PAQR5: variants seen among roughly 807,000 people sequenced by gnomAD.
PAQR5 encodes membrane progestin receptor gamma.
Under a neutral mutation model 34.5 loss-of-function variants are expected in PAQR5, and 20 were observed. The observed-to-expected ratio is 0.58, with a 90% CI of 0.41 to 0.84. The LOEUF is 0.84. PAQR5 is among the 40% of genes least tolerant of loss of function. The probability of loss-of-function intolerance (pLI) is 0.00; values close to 1 mark genes in which losing one functional copy is unlikely to be tolerated. For synonymous variants in PAQR5, 131 were observed against 155.6 expected (o/e 0.84, Z 1.18); for missense variants, 378 against 412.7 (o/e 0.92, Z 0.73).
At chr15:69,345,549 A>G (rs984621693) in intron 2 of PAQR5, among the ~76,000 whole-genome samples, 1 of 152,166 alleles carries the variant, frequency 6.6e-6, no homozygotes, top group African/African-American at 2.4e-5. Flanking sequence ...CTTGGTCTCA[A>G]ATGGAAAGGT....
At chr15:69,304,802 G>A (rs1419785199) in intron 1 of PAQR5, among the ~76,000 whole-genome samples, 1 of 152,150 alleles carries the variant, frequency 6.6e-6, no homozygotes, top group Non-Finnish European at 1.5e-5. Context: ...TCACCTTGGT[G>A]GGATTCATTT....
chr15:69,303,100 G>A (rs1343238122), intron 1 of PAQR5, among the ~76,000 whole-genome samples: 2 of 152,214 alleles, frequency 1.3e-5, no homozygotes, highest in Non-Finnish European at 2.9e-5. Context: ...AGATCAGAGT[G>A]TAGTAGGTGC....
chr15:69,383,214 G>T (rs2055960767), intron 4 of PAQR5, among the ~76,000 whole-genome samples: 1 of 152,154 alleles, frequency 6.6e-6, no homozygotes, highest in Non-Finnish European at 1.5e-5. Flanking sequence ...TCTAAGAGGG[G>T]CTTCCATCAT....
intron 1 of PAQR5, among the ~76,000 whole-genome samples, chr15:69,322,044 A>G (rs2054108422): frequency 6.6e-6 from 1 of 152,180 alleles, no homozygotes; most frequent in Non-Finnish European, 1.5e-5. Context: ...CCATAACAAA[A>G]GGAAGAATTT....
intron 2 of PAQR5, among the ~76,000 whole-genome samples, chr15:69,342,447 T>G (rs1410519394): frequency 1.3e-5 from 2 of 152,362 alleles, no homozygotes; most frequent in African/African-American, 4.8e-5. Flanking sequence ...TAGTCTCTTA[T>G]AGACATCTGA....
At chr15:69,399,943 C>G in intron 7 of PAQR5, 31 bp from the exon 8 acceptor site, 1 of 1,604,592 alleles carries the variant, frequency 6.2e-7, no homozygotes. Context: ...CCTGTCCTCT[C>G]AAGACCTGAT....
intron 1 of PAQR5, among the ~76,000 whole-genome samples, chr15:69,313,267 G>A (rs901017670): frequency 1.3e-5 from 2 of 152,218 alleles, no homozygotes; most frequent in Non-Finnish European, 2.9e-5. Context: ...CAGAGGCCAA[G>A]GAGGGAGGAT....
At chr15:69,378,900 G>GT (rs2055798775) in intron 3 of PAQR5, among the ~76,000 whole-genome samples, 1 of 152,116 alleles carries the variant, frequency 6.6e-6, no homozygotes, top group East Asian at 1.9e-4. Context: ...AGGACTCACA[G>GT]GTTGGCCCCC....
chr15:69,402,595 C>T (rs955998084), intron 8 of PAQR5, among the ~76,000 whole-genome samples: 13 of 152,310 alleles, frequency 8.5e-5, no homozygotes, highest in East Asian at 1.9e-4. Context: ...GGATTACAGG[C>T]GTGAACCACC....
intron 1 of PAQR5, among the ~76,000 whole-genome samples, chr15:69,307,098 AT>A (rs10711358): frequency 0.94 from 138,728 of 147,946 alleles, 65,363 homozygotes; most frequent in South Asian, 0.99. Flanking sequence ...TATACATCAT[AT>A]TTTTTTTTTT....
chr15:69,355,344 T>TTTTCTTTCTTTCTTTC (rs202183150), intron 2 of PAQR5, among the ~76,000 whole-genome samples: 3 of 56,216 alleles, frequency 5.3e-5, no homozygotes, highest in African/African-American at 2.0e-4. Context: ...TTCTTTCTTT[T>TTTTCTTTCTTTCTTTC]TTTCTTTCTT....
intron 6 of PAQR5, 27 bp downstream of exon 6, chr15:69,389,807 G>T: frequency 6.2e-7 from 1 of 1,611,950 alleles, no homozygotes; most frequent in Non-Finnish European, 8.5e-7. Context: ...CCTCAGATGG[G>T]AGGGGAGGGA....
At chr15:69,307,570 G>A (rs2053745841) in intron 1 of PAQR5, among the ~76,000 whole-genome samples, 1 of 152,190 alleles carries the variant, frequency 6.6e-6, no homozygotes, top group Non-Finnish European at 1.5e-5. Flanking sequence ...GAGGGGCTGG[G>A]GAAGAGTATG....
intron 1 of PAQR5, among the ~76,000 whole-genome samples, chr15:69,315,482 C>T (rs886743843): frequency 4.6e-5 from 7 of 152,156 alleles, no homozygotes; most frequent in Non-Finnish European, 8.8e-5. Flanking sequence ...AATCTCCAGT[C>T]TCAAGTCACA....
intron 1 of PAQR5, among the ~76,000 whole-genome samples, chr15:69,332,688 C>T (rs1473934766): frequency 7.4e-6 from 1 of 134,374 alleles, no homozygotes; most frequent in Non-Finnish European, 1.6e-5. Context: ...CCCCACCCCA[C>T]CCCCACCCCG....
At chr15:69,301,859 A>ATTTTTTTTTTTTTTTTTTTT (rs71149903) in intron 1 of PAQR5, among the ~76,000 whole-genome samples, 1 of 98,870 alleles carries the variant, frequency 1.0e-5, no homozygotes, top group Non-Finnish European at 1.8e-5. Flanking sequence ...ATGGGGGGAG[A>ATTTTTTTTTTTTTTTTTTTT]TTTTTTTTTT....
intron 3 of PAQR5, among the ~76,000 whole-genome samples, chr15:69,378,397 A>G (rs2055775187): frequency 1.5e-5 from 2 of 134,422 alleles, no homozygotes; most frequent in South Asian, 4.7e-4. Context: ...TGATTGCACC[A>G]CTGTACTCCA....
At chr15:69,318,475 G>T (rs912808477) in intron 1 of PAQR5, among the ~76,000 whole-genome samples, 2 of 152,094 alleles carry the variant, frequency 1.3e-5, no homozygotes, top group Admixed American at 6.6e-5. Context: ...AGAAAGATGG[G>T]GTTCTCTTTG....
At chr15:69,377,300 C>T (rs748509467) in intron 3 of PAQR5, among the ~76,000 whole-genome samples, 17 of 152,202 alleles carry the variant, frequency 1.1e-4, no homozygotes, top group Non-Finnish European at 1.5e-4. Flanking sequence ...CTGCCAAGCA[C>T]GTGCCGTCCT....
Sources: gnomAD v4.1 joint callset for allele counts (sites outside exome capture counted in the v4.1 genomes callset) on GRCh38, gnomAD v4.1.1 for gene constraint, MANE v1.5 for transcripts, NCBI Gene and HGNC (gene_info 2026-07-23, HGNC 2026-07-21) for gene names.